Variants in PDE4B observed in about 807,000 individuals in gnomAD.
PDE4B encodes 3',5'-cyclic-AMP phosphodiesterase 4B.
In PDE4B, 20 loss-of-function variants were observed where a neutral mutation model predicts 82.2. The observed-to-expected ratio is 0.24, with a 90% CI of 0.17 to 0.35. The LOEUF (loss-of-function observed/expected upper bound fraction) is 0.35, where lower values mean the gene tolerates loss of function less well. Ranked by LOEUF, PDE4B falls within the 10% of genes least tolerant of loss-of-function variation. PDE4B has a pLI of 1.00. For missense variants in PDE4B, 655 were observed against 907.2 expected (o/e 0.72, Z 3.57); for synonymous variants, 320 against 318.9 (o/e 1.00, Z -0.04).
intron 6 of PDE4B, among the ~76,000 whole-genome samples, chr1:66,263,471 G>A (rs1654826954): frequency 6.6e-6 from 1 of 152,218 alleles, no homozygotes; most frequent in African/African-American, 2.4e-5. Context: ...TAGAGTATTT[G>A]GTTCTCAAAT....
intron 7 of PDE4B, among the ~76,000 whole-genome samples, chr1:66,306,903 T>C (rs1471771582): frequency 2.0e-5 from 3 of 152,156 alleles, no homozygotes; most frequent in Non-Finnish European, 4.4e-5. Context: ...CAGTTGGAAA[T>C]ACAGATGTGG....
At chr1:66,054,418 T>C (rs2100873047) in intron 3 of PDE4B, among the ~76,000 whole-genome samples, 1 of 152,078 alleles carries the variant, frequency 6.6e-6, no homozygotes, top group Middle Eastern at 3.4e-3. Context: ...TTAAAAAACA[T>C]ATTTATCAGC....
At chr1:65,808,169 CTTTTTT>C (rs920861530) in intron 1 of PDE4B, among the ~76,000 whole-genome samples, 1 of 128,992 alleles carries the variant, frequency 7.8e-6, no homozygotes, top group Non-Finnish European at 1.7e-5. Flanking sequence ...TAGACAAACA[CTTTTTT>C]TTTTTTTTTT....
chr1:66,358,135 C>G (rs1011202111), intron 9 of PDE4B, among the ~76,000 whole-genome samples: 12 of 152,082 alleles, frequency 7.9e-5, no homozygotes, highest in Admixed American at 5.2e-4. Context: ...GGAGAGAAAA[C>G]AGGGGACCCA....
chr1:65,874,718 G>A (rs1646617956), intron 1 of PDE4B, among the ~76,000 whole-genome samples: 1 of 151,318 alleles, frequency 6.6e-6, no homozygotes, highest in Non-Finnish European at 1.5e-5. Flanking sequence ...TTTAATAAAT[G>A]GTGCTGGGAA....
intron 3 of PDE4B, among the ~76,000 whole-genome samples, chr1:66,097,161 T>C (rs1163014002): frequency 6.6e-6 from 1 of 152,072 alleles, no homozygotes; most frequent in East Asian, 1.9e-4. Flanking sequence ...CGTTCAACTT[T>C]AGAAGAAACT....
chr1:66,197,249 T>C (rs1222525340), intron 3 of PDE4B, among the ~76,000 whole-genome samples: 2 of 152,160 alleles, frequency 1.3e-5, no homozygotes, highest in Non-Finnish European at 2.9e-5. Context: ...AAGAAATATG[T>C]TTAAAAAGCA....
intron 3 of PDE4B, among the ~76,000 whole-genome samples, chr1:66,014,216 C>A (rs1340793986): frequency 1.3e-5 from 2 of 152,080 alleles, no homozygotes; most frequent in Non-Finnish European, 2.9e-5. Flanking sequence ...ATATGATTTG[C>A]AAATATTGTC....
At chr1:66,244,686 C>T (rs185172965) in intron 3 of PDE4B, among the ~76,000 whole-genome samples, 2 of 152,206 alleles carry the variant, frequency 1.3e-5, no homozygotes. Context: ...AAGCAGTGCC[C>T]CAGGGAATAT....
intron 7 of PDE4B, among the ~76,000 whole-genome samples, chr1:66,278,663 T>C (rs796488638): frequency 2.0e-5 from 3 of 152,196 alleles, no homozygotes; most frequent in Non-Finnish European, 1.5e-5. Context: ...ACACCTTTAG[T>C]GTAGTGAATA....
intron 7 of PDE4B, among the ~76,000 whole-genome samples, chr1:66,302,004 A>G (rs1255247449): frequency 6.6e-6 from 1 of 152,144 alleles, no homozygotes; most frequent in Admixed American, 6.6e-5. Context: ...CAAACCACAG[A>G]GGTTTGGACT....
Position 66,131,199 on chromosome 1 carries a change from A to G in PDE4B, c.282-116261A>G, listed in dbSNP as rs2503170. Among the ~76,000 whole-genome samples, 9 of 151,908 alleles carry G rather than the reference A, an allele frequency of 5.9e-5. No individual in the cohort carries two copies. In the South Asian group the frequency reaches 1.5e-3, roughly 25 times the overall value. The stretch of plus-strand genomic sequence containing the variant: ...GAGTGGATATGTCCAAGTGTCCCCA[A>G]TAGCAGGAAGAGGGTAAGAGCTAAT... On this transcript the variant is annotated intron_variant, in intron 3 of 16. Coordinates refer to ENST00000341517, the MANE Select transcript of PDE4B (RefSeq NM_002600.4).
intron 4 of PDE4B, among the ~76,000 whole-genome samples, chr1:66,254,645 A>C (rs1248851105): frequency 6.6e-6 from 1 of 151,112 alleles, no homozygotes; most frequent in Non-Finnish European, 1.5e-5. Flanking sequence ...ACTACCTTAA[A>C]CTCCCCCAAC....
intron 1 of PDE4B, among the ~76,000 whole-genome samples, chr1:65,813,139 G>A (rs1645839041): frequency 6.6e-6 from 1 of 152,180 alleles, no homozygotes; most frequent in Admixed American, 6.5e-5. Flanking sequence ...CACCTGTAGA[G>A]GAGTGAGTCA....
chr1:65,881,705 T>C, intron 1 of PDE4B, among the ~76,000 whole-genome samples: 1 of 152,194 alleles, frequency 6.6e-6, no homozygotes, highest in East Asian at 1.9e-4. Flanking sequence ...TATGGTCTTA[T>C]ACTCTTATGC....
At chr1:66,192,014 T>G (rs1308417848) in intron 3 of PDE4B, among the ~76,000 whole-genome samples, 2 of 152,132 alleles carry the variant, frequency 1.3e-5, no homozygotes, top group Non-Finnish European at 2.9e-5. Context: ...GAGATTTGGG[T>G]GGGGACACAG....
chr1:66,280,232 G>A (rs932563501), intron 7 of PDE4B, among the ~76,000 whole-genome samples: 3 of 152,248 alleles, frequency 2.0e-5, no homozygotes, highest in African/African-American at 7.2e-5. Context: ...AAGACCAGAA[G>A]CGCAAGCTAT....
chr1:65,996,362 A>C (rs2100692646), intron 3 of PDE4B, among the ~76,000 whole-genome samples: 1 of 151,542 alleles, frequency 6.6e-6, no homozygotes, highest in African/African-American at 2.4e-5. Flanking sequence ...TTTTCCCCTC[A>C]GTGGATATTA....
intron 7 of PDE4B, among the ~76,000 whole-genome samples, chr1:66,314,718 T>G (rs1355223288): frequency 6.6e-6 from 1 of 152,246 alleles, no homozygotes; most frequent in East Asian, 1.9e-4. Flanking sequence ...CAACCTCCAC[T>G]GTGTTTTCAT....
Sources: gnomAD v4.1 joint callset for allele counts (sites outside exome capture counted in the v4.1 genomes callset) on GRCh38, gnomAD v4.1.1 for gene constraint, MANE v1.5 for transcripts, NCBI Gene and HGNC (gene_info 2026-07-23, HGNC 2026-07-21) for gene names.